CEP120: variants seen among roughly 807,000 people sequenced by gnomAD.
CEP120 encodes centrosomal protein of 120 kDa.
Under a neutral mutation model 126.5 loss-of-function variants are expected in CEP120, and 113 were observed. The ratio of observed to expected loss-of-function variants is 0.89; its 90% CI spans 0.77 to 1.04. CEP120 has a LOEUF of 1.04. CEP120 is among the 50% of genes least tolerant of loss of function. The probability of loss-of-function intolerance (pLI) is 0.00; values close to 1 mark genes in which losing one functional copy is unlikely to be tolerated. For synonymous variants in CEP120, 400 were observed against 394.3 expected, an observed-to-expected ratio of 1.01 and a Z score of -0.17; for missense variants, 1,230 against 1,155.7, an observed-to-expected ratio of 1.06 and a Z score of -0.93.
Position 123,415,998 on chromosome 5 carries a change from A to C in CEP120, c.321+12T>G. On this transcript the variant is annotated intron_variant, in intron 3 of 19. Transcript: ENST00000306467. ...TAACATAATCATTAGCAAAACATCA[A>C]AAGGGCAATACCTGCTTTGTTTCTT... 4 of 1,551,688 alleles carry C rather than the reference A, an allele frequency of 2.6e-6. No homozygotes were observed. Among genetic ancestry groups the C allele is most frequent in the Non-Finnish European group, 3.6e-6 (4 of 1,124,590 alleles).
chr5:123,408,700 T>G (rs1249483002), intron 4 of CEP120, among the ~76,000 whole-genome samples: 1 of 152,098 alleles, frequency 6.6e-6, no homozygotes, highest in East Asian at 1.9e-4. Flanking sequence ...AAGGAAGAAA[T>G]TATACCAATT....
chr5:123,361,963 T>C (rs1770110347), intron 18 of CEP120, among the ~76,000 whole-genome samples: 1 of 151,812 alleles, frequency 6.6e-6, no homozygotes, highest in African/African-American at 2.4e-5. Context: ...CCTAGCTCTC[T>C]TGACTCCAGG....
intron 3 of CEP120, among the ~76,000 whole-genome samples, chr5:123,413,561 G>A (rs1774204510): frequency 6.6e-6 from 1 of 151,914 alleles, no homozygotes. Flanking sequence ...CTGATCAGTG[G>A]GAATACCATT....
Position 123,423,223 on chromosome 5 carries a change from A to G in CEP120, c.-225T>C, listed in dbSNP as rs1774839683. The G allele has an allele frequency of 1.8e-6, 1 of 565,370 alleles. No homozygotes were observed. Among genetic ancestry groups the G allele is most frequent in the South Asian group, 2.1e-5 (1 of 47,728 alleles). 35.0% of individuals were successfully genotyped at this position (565,370 alleles called of 1,614,324 possible). A position where few individuals can be genotyped will look rare whatever the true frequency, so the allele number is the denominator to read the frequency against. On this transcript the variant is annotated 5_prime_UTR_variant, in exon 1 of 20. Coordinates refer to ENST00000306467, the MANE Select transcript of CEP120 (RefSeq NM_001375405.1). Reference sequence around the variant, plus strand: ...CCTAACTGTGCCCCGACTCAAGGAAAAAGCCACGCTGCAGCCCTGCCAGTC... The same window carrying G: ...CCTAACTGTGCCCCGACTCAAGGAAGAAGCCACGCTGCAGCCCTGCCAGTC...
chr5:123,378,358 T>C lies in CEP120; in HGVS notation c.2174A>G (p.Gln725Arg), dbSNP rs1166655809. The change falls in exon 15 of 20, where the codon CAG becomes CGG. Residue 725 changes from glutamine (Q) to arginine (R), a missense_variant. Physicochemically the swap from Gln to Arg is conservative, Grantham distance 43. Transcript: ENST00000306467. ...TLIDLEKREQ[Q>R]LASVESELQR... ...TACCTCTGATTCCACACTAGCAAGC[T>C]GCTGCTCTCGCTTCTCCAAGTCAAT... 6.2e-7 allele frequency: 1 copy of C among 1,608,122 alleles called. No individual in the cohort carries two copies. Among genetic ancestry groups the C allele is most frequent in the Non-Finnish European group, 8.5e-7 (1 of 1,177,666 alleles).
intron 18 of CEP120, among the ~76,000 whole-genome samples, chr5:123,363,209 A>G (rs1770214517): frequency 6.6e-6 from 1 of 151,590 alleles, no homozygotes; most frequent in Admixed American, 6.6e-5. Context: ...AATCTTAAGT[A>G]TCTATCTCCA....
At chr5:123,413,210 T>G (rs1774174657) in intron 3 of CEP120, among the ~76,000 whole-genome samples, 1 of 151,664 alleles carries the variant, frequency 6.6e-6, no homozygotes, top group African/African-American at 2.4e-5. Flanking sequence ...AAATCAAAGC[T>G]GCAGTGAGCC....
At chr5:123,394,122 T>A (rs1772598530) in intron 5 of CEP120, among the ~76,000 whole-genome samples, 1 of 152,248 alleles carries the variant, frequency 6.6e-6, no homozygotes, top group South Asian at 2.1e-4. Flanking sequence ...ACCTTTAATG[T>A]TCACTAGCAT....
At chr5:123,382,005 C>T (rs747349268) in intron 14 of CEP120, 106 bp downstream of exon 14, 1 of 716,208 alleles carries the variant, frequency 1.4e-6, no homozygotes, top group African/African-American at 1.8e-5. Context: ...GCCAACATAT[C>T]ACCACTAAAA....
At chr5:123,418,337 C>G in intron 2 of CEP120, 22 bp downstream of exon 2, 1 of 1,523,022 alleles carries the variant, frequency 6.6e-7, no homozygotes, top group Non-Finnish European at 8.9e-7. Flanking sequence ...AATAAAGAAG[C>G]TAAAATGAAA....
chr5:123,364,609 AATC>A lies in CEP120; in HGVS notation c.2482-18_2482-16del. On this transcript the variant is annotated splice_polypyrimidine_tract_variant and intron_variant, in intron 17 of 19. Transcript: ENST00000306467. Reference sequence around the variant, plus strand: ...TCAAGTTCAACCTAACAGTGATTAAAATCATATCAAGTGAAACACTATACCACT... The same window carrying A: ...TCAAGTTCAACCTAACAGTGATTAAAATATCAAGTGAAACACTATACCACT... 2 of 1,508,144 alleles carry A rather than the reference AATC, an allele frequency of 1.3e-6. No individual in the cohort carries two copies. The highest frequency in any genetic ancestry group is 1.8e-6 in the Non-Finnish European group (2 of 1,091,656). The allele number at this position is 1,508,144 out of a possible 1,614,324, so 93.4% of individuals were successfully genotyped here.
intron 14 of CEP120, among the ~76,000 whole-genome samples, chr5:123,381,034 G>C (rs1159700621): frequency 6.6e-6 from 1 of 152,022 alleles, no homozygotes; most frequent in Non-Finnish European, 1.5e-5. Context: ...AATTAAGTTA[G>C]AAAAAGCTGA....
intron 5 of CEP120, among the ~76,000 whole-genome samples, chr5:123,398,092 A>C (rs1048338200): frequency 1.3e-5 from 2 of 152,216 alleles, no homozygotes; most frequent in African/African-American, 4.8e-5. Context: ...CTTAGGGGAA[A>C]AAGTGGGGAG....
At chr5:123,359,991 G>A (rs1395633194) in intron 18 of CEP120, among the ~76,000 whole-genome samples, 5 of 151,810 alleles carry the variant, frequency 3.3e-5, no homozygotes, top group South Asian at 4.1e-4. Context: ...CATCTAATCC[G>A]TACTACACAA....
chr5:123,401,905 G>C, intron 4 of CEP120: 5 of 1,558,392 alleles, frequency 3.2e-6, no homozygotes, highest in Non-Finnish European at 4.4e-6. Context: ...TGCCGCCTAA[G>C]GTTGTTGATG....
At chr5:123,373,474 T>C (rs557851150) in intron 16 of CEP120, among the ~76,000 whole-genome samples, 36 of 152,146 alleles carry the variant, frequency 2.4e-4, no homozygotes, top group South Asian at 1.0e-3. Context: ...TCTAGAGCAA[T>C]TGCCCAGTGT....
intron 1 of CEP120, among the ~76,000 whole-genome samples, chr5:123,420,937 C>G (rs940289733): frequency 1.3e-5 from 2 of 152,158 alleles, no homozygotes; most frequent in African/African-American, 4.8e-5. Flanking sequence ...AAGGCAACAG[C>G]ATGGTTATGA....
Position 123,399,144 on chromosome 5 carries a change from A to G in CEP120, c.604T>C (p.Leu202=), listed in dbSNP as rs1220874723. ...MSVTIAFATQ[L]EQLIPCTMKL... is the part of the protein sequence containing the mutation. ...CTCATGAAAAGTCTCACCTGTTCCA[A>G]CTGGGTAGCAAATGCTATGGTCACT... The change falls in exon 5 of 20, where the codon TTG becomes CTG. Residue 202 remains leucine (L), a synonymous_variant. Coordinates refer to ENST00000306467, the MANE Select transcript of CEP120 (RefSeq NM_001375405.1). The G allele has an allele frequency of 2.5e-6, 4 of 1,608,310 alleles. No homozygotes were observed. The Admixed American group carries it at 5.0e-5, about 20-fold the overall frequency.
At chr5:123,353,367 A>G (rs1158213145) in intron 18 of CEP120, among the ~76,000 whole-genome samples, 2 of 151,900 alleles carry the variant, frequency 1.3e-5, no homozygotes, top group African/African-American at 4.8e-5. Flanking sequence ...GTAAATAACC[A>G]AGCTTGCATT....
Sources: gnomAD v4.1 joint callset for allele counts (sites outside exome capture counted in the v4.1 genomes callset) on GRCh38, gnomAD v4.1.1 for gene constraint, MANE v1.5 for transcripts, NCBI Gene and HGNC (gene_info 2026-07-23, HGNC 2026-07-21) for gene names.